The following CADM2 variants were observed in gnomAD, a reference collection of about 807,000 sequenced individuals.
The protein encoded by CADM2 is immunoglobulin superfamily member 4D.
Under a neutral mutation model 49.8 loss-of-function variants are expected in CADM2, and 12 were observed. That is an observed-to-expected ratio of 0.24 (90% CI 0.15 to 0.39). The LOEUF (loss-of-function observed/expected upper bound fraction) is 0.39. Ranked by LOEUF, CADM2 falls within the 10% of genes least tolerant of loss-of-function variation. The pLI is 1.00. For synonymous variants in CADM2, 214 were observed against 175.4 expected (o/e 1.22, Z -1.74); for missense variants, 378 against 492.3 (o/e 0.77, Z 2.20).
At chr3:85,000,387 C>G (rs2033402654) in intron 1 of CADM2, among the ~76,000 whole-genome samples, 1 of 151,680 alleles carries the variant, frequency 6.6e-6, no homozygotes, top group Non-Finnish European at 1.5e-5. Context: ...TTCGGCCTCC[C>G]AAAGCACTGC....
At chr3:85,504,857 G>A (rs1369733615) in intron 1 of CADM2, among the ~76,000 whole-genome samples, 1 of 152,174 alleles carries the variant, frequency 6.6e-6, no homozygotes, top group African/African-American at 2.4e-5. Flanking sequence ...GAAATAGAGC[G>A]CAGCGCCGGT....
At chr3:84,972,332 A>C (rs1487094022) in intron 1 of CADM2, among the ~76,000 whole-genome samples, 1 of 152,226 alleles carries the variant, frequency 6.6e-6, no homozygotes, top group Non-Finnish European at 1.5e-5. Context: ...CATGCTCTTA[A>C]AATAGCATTT....
chr3:85,862,452 A>G (rs751825922), intron 3 of CADM2, among the ~76,000 whole-genome samples: 93 of 152,280 alleles, frequency 6.1e-4, no homozygotes, highest in Middle Eastern at 3.4e-3. Flanking sequence ...ATTGAATTAT[A>G]TTTCCAGAAT....
intron 1 of CADM2, among the ~76,000 whole-genome samples, chr3:85,720,901 T>A (rs575682237): frequency 1.3e-5 from 2 of 152,360 alleles, no homozygotes; most frequent in East Asian, 3.9e-4. Flanking sequence ...GAATTTCCCC[T>A]TTTCAAATCA....
chr3:85,108,757 A>G (rs2038343086), intron 1 of CADM2, among the ~76,000 whole-genome samples: 1 of 152,150 alleles, frequency 6.6e-6, no homozygotes, highest in South Asian at 2.1e-4. Context: ...ACTTTACAAT[A>G]AATTGTTACA....
At chr3:85,435,219 C>T (rs1321136540) in intron 1 of CADM2, among the ~76,000 whole-genome samples, 1 of 151,992 alleles carries the variant, frequency 6.6e-6, no homozygotes, top group Non-Finnish European at 1.5e-5. Flanking sequence ...TCTCCATGTC[C>T]ATGTGTTCTC....
chr3:86,058,111 T>C (rs755010710), intron 8 of CADM2, among the ~76,000 whole-genome samples: 3 of 152,198 alleles, frequency 2.0e-5, no homozygotes, highest in Admixed American at 6.6e-5. Flanking sequence ...TATTCTCTTA[T>C]TTAATCCTCA....
intron 1 of CADM2, among the ~76,000 whole-genome samples, chr3:85,672,719 C>T (rs2065778400): frequency 6.6e-6 from 1 of 152,052 alleles, no homozygotes; most frequent in South Asian, 2.1e-4. Flanking sequence ...AAAATTATAA[C>T]ACAAGCATAA....
intron 1 of CADM2, among the ~76,000 whole-genome samples, chr3:85,075,761 A>G (rs2107485760): frequency 6.6e-6 from 1 of 152,316 alleles, no homozygotes; most frequent in African/African-American, 2.4e-5. Context: ...CTGGGGCAAA[A>G]TGTCACATTA....
At chr3:85,278,378 C>G (rs185291682) in intron 1 of CADM2, among the ~76,000 whole-genome samples, 2 of 151,422 alleles carry the variant, frequency 1.3e-5, no homozygotes, top group Admixed American at 1.3e-4. Flanking sequence ...GTTATAAACT[C>G]TAATTTTATT....
At chr3:85,424,544 G>A (rs2036315254) in intron 1 of CADM2, among the ~76,000 whole-genome samples, 3 of 152,086 alleles carry the variant, frequency 2.0e-5, no homozygotes, top group African/African-American at 7.2e-5. Flanking sequence ...CACCCCAATT[G>A]ATGGGCTCTA....
At chr3:85,567,513 C>A (rs2062301347) in intron 1 of CADM2, among the ~76,000 whole-genome samples, 1 of 152,106 alleles carries the variant, frequency 6.6e-6, no homozygotes, top group African/African-American at 2.4e-5. Context: ...GTATAAAGGT[C>A]TTAGAGAAGA....
At position 84,989,937 on chromosome 3, in the gene CADM2, A is replaced by C. The variant is rs192168809; in HGVS notation, c.61+30269A>C. 3.2e-4 allele frequency among the ~76,000 whole-genome samples: 48 copies of C among 152,090 alleles called. No homozygotes were observed. The East Asian group carries it at 8.5e-3, about 27-fold the overall frequency. ...CTGCAGTAAAAGAAAAAAGTTATTT[A>C]AAAATGAAAGAAACTTATAACTTTG... is the stretch of plus-strand genomic sequence containing the variant. On this transcript the variant is annotated intron_variant, in intron 1 of 9. Transcript: ENST00000383699.
chr3:85,892,661 G>A (rs111246959), intron 5 of CADM2, among the ~76,000 whole-genome samples: 11,264 of 152,182 alleles, frequency 0.074, 570 homozygotes, highest in South Asian at 0.092. Flanking sequence ...GTGGAATTGT[G>A]AGTCCATTAA....
chr3:85,024,952 T>C (rs2034664048), intron 1 of CADM2, among the ~76,000 whole-genome samples: 1 of 152,090 alleles, frequency 6.6e-6, no homozygotes, highest in African/African-American at 2.4e-5. Flanking sequence ...TATGTTTTAG[T>C]TTAAATTTTC....
intron 1 of CADM2, among the ~76,000 whole-genome samples, chr3:85,473,383 G>A (rs2038849171): frequency 6.6e-6 from 1 of 152,100 alleles, no homozygotes. Flanking sequence ...GCTTGTAGAT[G>A]AGCTTGCAGC....
At chr3:85,623,225 T>G (rs987695042) in intron 1 of CADM2, among the ~76,000 whole-genome samples, 1 of 152,164 alleles carries the variant, frequency 6.6e-6, no homozygotes, top group African/African-American at 2.4e-5. Flanking sequence ...TCCTCAACTT[T>G]TAGCATCATT....
At chr3:85,055,310 T>C (rs1383041616) in intron 1 of CADM2, among the ~76,000 whole-genome samples, 1 of 152,046 alleles carries the variant, frequency 6.6e-6, no homozygotes, top group African/African-American at 2.4e-5. Context: ...AAACTATTCA[T>C]GTGGCATGCT....
At chr3:85,217,454 T>G (rs939969697) in intron 1 of CADM2, among the ~76,000 whole-genome samples, 1 of 152,044 alleles carries the variant, frequency 6.6e-6, no homozygotes, top group Non-Finnish European at 1.5e-5. Flanking sequence ...ATGTTGCATC[T>G]AATTAGACCT....
Sources: gnomAD v4.1 joint callset for allele counts (sites outside exome capture counted in the v4.1 genomes callset) on GRCh38, gnomAD v4.1.1 for gene constraint, MANE v1.5 for transcripts, NCBI Gene and HGNC (gene_info 2026-07-23, HGNC 2026-07-21) for gene names.